RNF150: variants seen among roughly 807,000 people sequenced by gnomAD.
RNF150 encodes ring finger protein 150.
In RNF150, 24 loss-of-function variants were observed where a neutral mutation model predicts 39.3. The observed-to-expected ratio is 0.61, with a 90% confidence interval of 0.44 to 0.86. The LOEUF (loss-of-function observed/expected upper bound fraction) is 0.86, where lower values mean the gene tolerates loss of function less well. RNF150 is among the 40% of genes least tolerant of loss of function. RNF150 has a pLI of 0.00. For synonymous variants in RNF150, 255 were observed against 227.3 expected (o/e 1.12, Z -1.10); for missense variants, 502 against 587.8 (o/e 0.85, Z 1.51).
At chr4:141,037,569 A>G (rs1472402950) in intron 1 of RNF150, among the ~76,000 whole-genome samples, 1 of 152,164 alleles carries the variant, frequency 6.6e-6, no homozygotes, top group African/African-American at 2.4e-5. Context: ...CCAGTTTCCC[A>G]ATAAAATAAT....
chr4:141,185,765 T>A (rs544175551), intron 1 of RNF150, among the ~76,000 whole-genome samples: 1 of 152,242 alleles, frequency 6.6e-6, no homozygotes, highest in Non-Finnish European at 1.5e-5. Flanking sequence ...ATCGAAAGCC[T>A]TTTCTGCATC....
At chr4:141,043,752 C>T (rs912543415) in intron 1 of RNF150, among the ~76,000 whole-genome samples, 2 of 151,962 alleles carry the variant, frequency 1.3e-5, no homozygotes, top group African/African-American at 4.8e-5. Context: ...GTAATCATCT[C>T]TTCTATATTA....
rs774813174 is a variant in RNF150, at chr4:141,162,161, A to T, written c.-6+50633T>A. 1.9e-4 allele frequency among the ~76,000 whole-genome samples: 29 copies of T among 152,210 alleles called. 1 individual carries two copies. The highest frequency in any genetic ancestry group is 3.2e-3 in the Middle Eastern group (1 of 316). Reference sequence around the variant, plus strand: ...AACAGCCATGGAGGCTATACACTGTAAAGCCACAGGGGCAGAACTGCCTAA... The same window carrying T: ...AACAGCCATGGAGGCTATACACTGTTAAGCCACAGGGGCAGAACTGCCTAA... On this transcript the variant is annotated intron_variant, in intron 1 of 7. Coordinates refer to the RNF150 transcript ENST00000420921.
chr4:140,897,322 T>G (rs1729999867), intron 6 of RNF150, among the ~76,000 whole-genome samples: 1 of 152,156 alleles, frequency 6.6e-6, no homozygotes, highest in Admixed American at 6.5e-5. Context: ...GGGCAGGCAC[T>G]CTGGGGTTGC....
chr4:141,147,786 G>C (rs1727227519), intron 1 of RNF150, among the ~76,000 whole-genome samples: 1 of 152,110 alleles, frequency 6.6e-6, no homozygotes, highest in African/African-American at 2.4e-5. Context: ...GATTTCAGAG[G>C]GGAGGGGAAA....
At chr4:140,929,754 T>G (rs917078725) in intron 4 of RNF150, among the ~76,000 whole-genome samples, 3 of 152,154 alleles carry the variant, frequency 2.0e-5, no homozygotes, top group African/African-American at 7.2e-5. Context: ...TGAAGGCATT[T>G]TGTAGATGTG....
intron 1 of RNF150, among the ~76,000 whole-genome samples, chr4:140,989,005 T>C (rs185781535): frequency 3.0e-4 from 45 of 151,948 alleles, no homozygotes; most frequent in African/African-American, 1.0e-3. Flanking sequence ...TAGTTTTTAA[T>C]TAATATTTAT....
rs895969122 is a variant in RNF150 at position 140,862,827 on chromosome 4, G to C, written c.*5434C>G. ...AAACCTAGGGATGAGCATTTACTTG[G>C]GGACAGCACGCACATTTTGTTAAGC... On this transcript the variant is annotated 3_prime_UTR_variant, in exon 7 of 7. Coordinates refer to ENST00000515673, the MANE Select transcript of RNF150 (RefSeq NM_020724.2). The C allele has an allele frequency of 1.3e-5, 2 of 152,092 alleles. No homozygotes were observed. The highest frequency in any genetic ancestry group is 4.8e-5 in the African/African-American group (2 of 41,394). The allele number at this position is 152,092 out of a possible 1,614,324, so 9.4% of individuals were successfully genotyped here. A position where few individuals can be genotyped will look rare whatever the true frequency, so the allele number is the denominator to read the frequency against.
At chr4:140,976,420 G>A (rs566918234) in intron 1 of RNF150, among the ~76,000 whole-genome samples, 16 of 151,968 alleles carry the variant, frequency 1.1e-4, no homozygotes, top group African/African-American at 2.7e-4. Flanking sequence ...CAGTGTTTGC[G>A]AGGATGACCC....
At chr4:140,981,120 A>G (rs1733844885) in intron 1 of RNF150, among the ~76,000 whole-genome samples, 1 of 152,116 alleles carries the variant, frequency 6.6e-6, no homozygotes, top group Non-Finnish European at 1.5e-5. Flanking sequence ...ATCCCCATAT[A>G]GTTTTCCCTA....
chr4:140,938,498 T>C (rs1731947288), intron 4 of RNF150, among the ~76,000 whole-genome samples: 1 of 152,112 alleles, frequency 6.6e-6, no homozygotes, highest in South Asian at 2.1e-4. Flanking sequence ...AAGGAGGCTA[T>C]GAACTACCAG....
chr4:141,209,942 G>A (rs1389089235), intron 1 of RNF150, among the ~76,000 whole-genome samples: 3 of 152,046 alleles, frequency 2.0e-5, no homozygotes, highest in Non-Finnish European at 4.4e-5. Context: ...CTGTGTCATG[G>A]TTTCTATTAA....
At chr4:140,915,187 TCA>T (rs1279541335) in intron 5 of RNF150, among the ~76,000 whole-genome samples, 1 of 152,162 alleles carries the variant, frequency 6.6e-6, no homozygotes, top group Non-Finnish European at 1.5e-5. Context: ...TGAACAGACA[TCA>T]GTTATCAGAG....
chr4:141,011,193 C>T (rs1185228299), intron 1 of RNF150, among the ~76,000 whole-genome samples: 2 of 151,972 alleles, frequency 1.3e-5, no homozygotes, highest in Non-Finnish European at 2.9e-5. Flanking sequence ...TTTTTACCCG[C>T]CATAATTCTG....
rs987556141 is a variant in RNF150 at position 140,871,780 on chromosome 4, C to A, written c.1199-3401G>T. 2.0e-5 allele frequency among the ~76,000 whole-genome samples: 3 copies of A among 152,326 alleles called. No homozygotes were observed. In the South Asian group the frequency reaches 6.2e-4, roughly 32 times the overall value. ...CCTCAGCAGATTCCATAGATTCATTCACACCTTGGTTTTTTCTAAATGGGA... is the reference window on the plus strand; with the variant it reads ...CCTCAGCAGATTCCATAGATTCATTAACACCTTGGTTTTTTCTAAATGGGA... On this transcript the variant is annotated intron_variant, in intron 6 of 6. Coordinates refer to ENST00000515673, the MANE Select transcript of RNF150 (RefSeq NM_020724.2).
rs113010654 is a variant in RNF150 at position 141,197,047 on chromosome 4, A to C, written c.-6+15747T>G. On this transcript the variant is annotated intron_variant, in intron 1 of 7. Transcript: ENST00000420921. ...TCAAGATCTGGATTAATTTTGTCCCAAAAAAAAGTGTTTTAACAATTTTTT... is the reference window on the plus strand; with the variant it reads ...TCAAGATCTGGATTAATTTTGTCCCCAAAAAAAGTGTTTTAACAATTTTTT... Among the ~76,000 whole-genome samples the C allele has an allele frequency of 4.7e-3, 706 of 151,552 alleles. 1 individual carries two copies. The highest frequency in any genetic ancestry group is 6.8e-3 in the Non-Finnish European group (459 of 67,948).
intron 1 of RNF150, chr4:141,053,568 A>G (rs2110897346): frequency 3.9e-6 from 2 of 508,490 alleles, no homozygotes; most frequent in Non-Finnish European, 6.3e-6. Context: ...TTAAATTGGG[A>G]GATATAATGG....
chr4:141,156,395 C>G (rs529964285), intron 1 of RNF150, among the ~76,000 whole-genome samples: 1 of 152,230 alleles, frequency 6.6e-6, no homozygotes, highest in South Asian at 2.1e-4. Flanking sequence ...ATCCTCCTGC[C>G]TCATCCTCCT....
intron 4 of RNF150, among the ~76,000 whole-genome samples, chr4:140,944,289 G>A (rs774770665): frequency 2.6e-5 from 4 of 152,108 alleles, no homozygotes; most frequent in Admixed American, 1.3e-4. Flanking sequence ...CAAAACCAAC[G>A]TGTCTTGAGT....
Sources: allele counts gnomAD v4.1 joint callset (sites outside exome capture counted in the v4.1 genomes callset), GRCh38; gene constraint gnomAD v4.1.1; transcripts MANE v1.5; gene names NCBI Gene and HGNC (gene_info 2026-07-23, HGNC 2026-07-21).